CDH20: variants seen among roughly 807,000 people sequenced by gnomAD.
The protein encoded by CDH20 is cadherin-20.
In CDH20, 29 loss-of-function variants were observed where a neutral mutation model predicts 74.2. The ratio of observed to expected loss-of-function variants is 0.39; its 90% confidence interval spans 0.29 to 0.53. The LOEUF (loss-of-function observed/expected upper bound fraction) is 0.53. Ranked by LOEUF, CDH20 falls within the 20% of genes least tolerant of loss-of-function variation. The pLI is 0.69. For missense variants in CDH20, 988 were observed against 1,048.3 expected, an observed-to-expected ratio of 0.94 and a Z score of 0.79; for synonymous variants, 469 against 405.4, an observed-to-expected ratio of 1.16 and a Z score of -1.88.
At chr18:61,356,475 A>G (rs1347587508) in intron 1 of CDH20, among the ~76,000 whole-genome samples, 3 of 152,226 alleles carry the variant, frequency 2.0e-5, no homozygotes, top group Non-Finnish European at 1.5e-5. Context: ...AGGTTATATT[A>G]TCTCTTAAGA....
chr18:61,429,668 A>G (rs1199522274), intron 1 of CDH20, among the ~76,000 whole-genome samples: 1 of 152,170 alleles, frequency 6.6e-6, no homozygotes, highest in Non-Finnish European at 1.5e-5. Flanking sequence ...GCACACCTGG[A>G]CAGCCTCGTC....
At chr18:61,421,752 T>G (rs1409400846) in intron 1 of CDH20, among the ~76,000 whole-genome samples, 1 of 152,164 alleles carries the variant, frequency 6.6e-6, no homozygotes, top group Non-Finnish European at 1.5e-5. Flanking sequence ...CTCAAAAATA[T>G]GTATACCTAA....
At chr18:61,538,959 T>G in intron 8 of CDH20, 65 bp from the exon 9 acceptor site, 2 of 1,471,782 alleles carry the variant, frequency 1.4e-6, no homozygotes, top group Non-Finnish European at 1.8e-6. Context: ...GCAAAAACCA[T>G]TACTCTTTTT....
At chr18:61,369,065 G>T (rs1910948192) in intron 1 of CDH20, among the ~76,000 whole-genome samples, 1 of 151,968 alleles carries the variant, frequency 6.6e-6, no homozygotes, top group Non-Finnish European at 1.5e-5. Context: ...TGGGATTTGG[G>T]ATTTGGGTTC....
chr18:61,504,841 T>A (rs1057210448), intron 5 of CDH20, among the ~76,000 whole-genome samples: 3 of 152,014 alleles, frequency 2.0e-5, no homozygotes, highest in African/African-American at 7.3e-5. Flanking sequence ...AATATTTACA[T>A]GCAAATGGAA....
intron 11 of CDH20, among the ~76,000 whole-genome samples, chr18:61,553,870 T>C (rs909502430): frequency 6.6e-6 from 1 of 152,146 alleles, no homozygotes; most frequent in African/African-American, 2.4e-5. Flanking sequence ...TGTGCTTTGT[T>C]AGTGGGATTT....
At chr18:61,551,796 T>C (rs1302797978) in intron 11 of CDH20, among the ~76,000 whole-genome samples, 1 of 152,184 alleles carries the variant, frequency 6.6e-6, no homozygotes, top group Non-Finnish European at 1.5e-5. Context: ...CTGGCTGTCC[T>C]TACTTCTATC....
chr18:61,501,113 T>A (rs1356324940), intron 4 of CDH20, among the ~76,000 whole-genome samples: 1 of 152,150 alleles, frequency 6.6e-6, no homozygotes, highest in Non-Finnish European at 1.5e-5. Context: ...AAAGACCAGG[T>A]GGGATGTGGC....
At chr18:61,451,333 AAC>A (rs1303655989) in intron 1 of CDH20, among the ~76,000 whole-genome samples, 1 of 152,062 alleles carries the variant, frequency 6.6e-6, no homozygotes, top group African/African-American at 2.4e-5. Context: ...TATATAAAAA[AAC>A]AAAGGTAATA....
At chr18:61,428,732 A>G (rs142818611) in intron 1 of CDH20, among the ~76,000 whole-genome samples, 1 of 152,334 alleles carries the variant, frequency 6.6e-6, no homozygotes, top group Non-Finnish European at 1.5e-5. Context: ...CTCAGACACT[A>G]GCCCATGGTT....
chr18:61,441,587 A>G (rs999351285), intron 1 of CDH20, among the ~76,000 whole-genome samples: 1 of 152,202 alleles, frequency 6.6e-6, no homozygotes, highest in Non-Finnish European at 1.5e-5. Flanking sequence ...AAAGAAAAAA[A>G]TGAATAGTTT....
chr18:61,499,105 G>T, intron 2 of CDH20, 81 bp from the exon 3 acceptor site: 3 of 1,183,288 alleles, frequency 2.5e-6, no homozygotes, highest in Non-Finnish European at 1.2e-6. Context: ...GAGGTTATAA[G>T]TTTGTAACAA....
At position 61,518,823 on chromosome 18, in the gene CDH20, C is replaced by T. The variant is rs182770349; in HGVS notation, c.1018-9144C>T. 9.0e-4 allele frequency among the ~76,000 whole-genome samples: 136 copies of T among 150,826 alleles called. 1 individual carries two copies. The East Asian group carries it at 0.022, about 24-fold the overall frequency. On this transcript the variant is annotated intron_variant, in intron 6 of 11. Coordinates refer to ENST00000262717, the MANE Select transcript of CDH20 (RefSeq NM_031891.4). ...GAAAGTGGGTAATAACAAACTTTTC[C>T]GAGCTAATGGGGCATGTTCTAACAC...
chr18:61,531,434 A>G (rs1568179259), intron 7 of CDH20, among the ~76,000 whole-genome samples: 1 of 152,234 alleles, frequency 6.6e-6, no homozygotes, highest in Non-Finnish European at 1.5e-5. Context: ...GGCTCTCTGC[A>G]TGTGTCAGGA....
intron 6 of CDH20, among the ~76,000 whole-genome samples, chr18:61,521,565 T>G (rs1253855467): frequency 1.3e-5 from 2 of 151,306 alleles, no homozygotes; most frequent in African/African-American, 4.9e-5. Context: ...CCACCCTAAC[T>G]CATTTTATGA....
intron 1 of CDH20, among the ~76,000 whole-genome samples, chr18:61,417,722 G>A (rs1349961674): frequency 6.6e-6 from 1 of 151,984 alleles, no homozygotes; most frequent in Non-Finnish European, 1.5e-5. Context: ...TAGATAGGAG[G>A]AGTAAGATCT....
At chr18:61,466,833 A>G (rs1436394692) in intron 1 of CDH20, among the ~76,000 whole-genome samples, 1 of 152,212 alleles carries the variant, frequency 6.6e-6, no homozygotes, top group Admixed American at 6.5e-5. Flanking sequence ...TGAAACAAGG[A>G]GCAAGAGCCT....
At chr18:61,547,715 C>G (rs1466219995) in intron 10 of CDH20, among the ~76,000 whole-genome samples, 2 of 151,084 alleles carry the variant, frequency 1.3e-5, no homozygotes, top group Non-Finnish European at 3.0e-5. Context: ...CATGCCCCCC[C>G]ACTACACCCC....
chr18:61,529,395 A>C (rs1202236262), intron 7 of CDH20, among the ~76,000 whole-genome samples: 1 of 152,218 alleles, frequency 6.6e-6, no homozygotes. Flanking sequence ...TAACCATACT[A>C]GGGGCAAATT....
Sources: gnomAD v4.1 joint callset for allele counts (sites outside exome capture counted in the v4.1 genomes callset) on GRCh38, gnomAD v4.1.1 for gene constraint, MANE v1.5 for transcripts, NCBI Gene and HGNC (gene_info 2026-07-23, HGNC 2026-07-21) for gene names.